DTNA: variants seen among roughly 807,000 people sequenced by gnomAD.
DTNA encodes dystrophin-related protein 3.
A neutral mutation model predicts 100.7 loss-of-function variants in DTNA; 43 were observed. The observed-to-expected ratio is 0.43, with a 90% CI of 0.33 to 0.55. The LOEUF is 0.55. Among genes scored for constraint, DTNA ranks in the 20% least tolerant of loss-of-function variants. DTNA has a pLI of 0.04. For synonymous variants in DTNA, 349 were observed against 347.9 expected (o/e 1.00, Z -0.04); for missense variants, 798 against 953.9 (o/e 0.84, Z 2.15).
At chr18:34,763,612 A>C (rs2093316269) in intron 2 of DTNA, among the ~76,000 whole-genome samples, 1 of 152,220 alleles carries the variant, frequency 6.6e-6, no homozygotes, top group African/African-American at 2.4e-5. Flanking sequence ...AGATCACATT[A>C]GTTAGGAGTC....
At position 34,827,738 on chromosome 18, in the gene DTNA, T is replaced by C; in HGVS notation, c.1085+62T>C. 3.3e-6 allele frequency: 5 copies of C among 1,515,792 alleles called. No individual in the cohort carries two copies. In the Admixed American group the frequency reaches 8.4e-5, roughly 25 times the overall value. The allele number at this position is 1,515,792 out of a possible 1,614,324, so 93.9% of individuals were successfully genotyped here. On this transcript the variant is annotated intron_variant, in intron 10 of 22. Transcript: ENST00000444659. ...TTGGTAATGAGCCTTGATTCTGTGG[T>C]AAGAAAAATATTCTCATGCAAGCCA...
intron 1 of DTNA, among the ~76,000 whole-genome samples, chr18:34,504,428 A>G (rs1195184837): frequency 2.0e-5 from 3 of 151,988 alleles, no homozygotes; most frequent in South Asian, 4.1e-4. Context: ...TTTGCTTACC[A>G]TGTTCTTTTT....
At chr18:34,592,700 C>T (rs1032813709) in intron 1 of DTNA, among the ~76,000 whole-genome samples, 7 of 151,942 alleles carry the variant, frequency 4.6e-5, no homozygotes, top group African/African-American at 1.7e-4. Context: ...GGCAAGCAGG[C>T]GGCATGATGA....
chr18:34,680,165 A>G (rs114617888), intron 1 of DTNA, among the ~76,000 whole-genome samples: 57 of 152,250 alleles, frequency 3.7e-4, no homozygotes, highest in African/African-American at 1.3e-3. Context: ...TTAAAGTGCT[A>G]TGTACAGTTA....
chr18:34,848,419 A>T, intron 14 of DTNA, 36 bp downstream of exon 14: 2 of 1,602,412 alleles, frequency 1.2e-6, no homozygotes, highest in Non-Finnish European at 1.7e-6. Flanking sequence ...GTCTGTTGGC[A>T]TCTGGGATCC....
At chr18:34,617,266 A>G (rs2055494068) in intron 1 of DTNA, among the ~76,000 whole-genome samples, 1 of 152,088 alleles carries the variant, frequency 6.6e-6, no homozygotes, top group South Asian at 2.1e-4. Flanking sequence ...TTTGTTATAG[A>G]TGGCTCTTAC....
At chr18:34,718,349 T>C (rs2084506264) in intron 1 of DTNA, among the ~76,000 whole-genome samples, 1 of 152,202 alleles carries the variant, frequency 6.6e-6, no homozygotes, top group Non-Finnish European at 1.5e-5. Context: ...TTTTGACAAA[T>C]AGTGTTTTTA....
chr18:34,815,706 C>T, intron 6 of DTNA: 1 of 545,086 alleles, frequency 1.8e-6, no homozygotes, highest in East Asian at 3.3e-5. Context: ...AGAATTCAGT[C>T]CTATGTCTGC....
intron 1 of DTNA, among the ~76,000 whole-genome samples, chr18:34,735,396 C>T (rs1298609158): frequency 2.6e-5 from 4 of 152,188 alleles, no homozygotes; most frequent in African/African-American, 9.7e-5. Flanking sequence ...CAAGTTGACA[C>T]TCAGTATTAA....
chr18:34,806,381 G>T (rs1307920240), intron 5 of DTNA, 77 bp downstream of exon 5: 10 of 1,154,674 alleles, frequency 8.7e-6, no homozygotes, highest in Non-Finnish European at 1.2e-5. Flanking sequence ...ATTCCTCTAT[G>T]TCCCCTCCCC....
intron 1 of DTNA, among the ~76,000 whole-genome samples, chr18:34,734,460 A>G (rs1045926388): frequency 3.3e-5 from 5 of 152,136 alleles, no homozygotes; most frequent in African/African-American, 1.2e-4. Flanking sequence ...CAATGCCCTC[A>G]CTTTAACAGT....
At chr18:34,621,577 G>A (rs2056514204) in intron 1 of DTNA, among the ~76,000 whole-genome samples, 2 of 152,138 alleles carry the variant, frequency 1.3e-5, no homozygotes, top group African/African-American at 2.4e-5. Context: ...GCCAGGCACA[G>A]AAAGGCAAAC....
intron 17 of DTNA, chr18:34,867,352 G>GA (rs2096716682): frequency 2.4e-6 from 3 of 1,229,764 alleles, no homozygotes; most frequent in Non-Finnish European, 3.0e-6. Flanking sequence ...TGTATTTTGT[G>GA]AAAAAAATTA....
intron 1 of DTNA, among the ~76,000 whole-genome samples, chr18:34,531,471 C>T (rs2043134274): frequency 6.6e-6 from 1 of 152,080 alleles, no homozygotes; most frequent in Non-Finnish European, 1.5e-5. Flanking sequence ...TAAATGAAAG[C>T]AAAAGTATTT....
At chr18:34,559,412 C>T (rs1005985582) in intron 1 of DTNA, among the ~76,000 whole-genome samples, 11 of 152,218 alleles carry the variant, frequency 7.2e-5, no homozygotes, top group African/African-American at 2.6e-4. Flanking sequence ...ATGTGTGCAA[C>T]CTTTTTTATT....
At chr18:34,716,038 A>G (rs956259) in intron 1 of DTNA, among the ~76,000 whole-genome samples, 30 of 152,176 alleles carry the variant, frequency 2.0e-4, no homozygotes, top group Admixed American at 1.8e-3. Flanking sequence ...AGCAGTGTAC[A>G]CTGGGTGCAG....
chr18:34,582,698 G>T (rs1031330176), intron 1 of DTNA, among the ~76,000 whole-genome samples: 6 of 152,160 alleles, frequency 3.9e-5, no homozygotes, highest in Non-Finnish European at 5.9e-5. Flanking sequence ...ATAAATAATT[G>T]AATGTATATA....
intron 1 of DTNA, among the ~76,000 whole-genome samples, chr18:34,698,388 C>T (rs999916443): frequency 6.6e-6 from 1 of 152,176 alleles, no homozygotes; most frequent in African/African-American, 2.4e-5. Context: ...GCGGAAGAAT[C>T]CCCCCTTGCC....
intron 1 of DTNA, among the ~76,000 whole-genome samples, chr18:34,519,623 T>C (rs1368182917): frequency 6.6e-6 from 1 of 152,164 alleles, no homozygotes; most frequent in Non-Finnish European, 1.5e-5. Flanking sequence ...TACAAGATAC[T>C]TTTGAGATTA....
Sources: allele counts gnomAD v4.1 joint callset (sites outside exome capture counted in the v4.1 genomes callset), GRCh38; gene constraint gnomAD v4.1.1; transcripts MANE v1.5; gene names NCBI Gene and HGNC (gene_info 2026-07-23, HGNC 2026-07-21).